ADGRL2: variants seen among roughly 807,000 people sequenced by gnomAD.
ADGRL2 encodes adhesion G protein-coupled receptor L2, also known as calcium-independent alpha-latrotoxin receptor 2.
Under a neutral mutation model 157.4 loss-of-function variants are expected in ADGRL2, and 44 were observed. The observed-to-expected ratio is 0.28, with a 90% CI of 0.22 to 0.36. The LOEUF is 0.36. Among genes scored for constraint, ADGRL2 ranks in the 10% least tolerant of loss-of-function variants. The pLI, the probability that ADGRL2 is intolerant of heterozygous loss-of-function variation, is 1.00. For missense variants in ADGRL2, 1,510 were observed against 1,768.9 expected (o/e 0.85, Z 2.63); for synonymous variants, 585 against 624.7 (o/e 0.94, Z 0.95).
chr1:81,900,515 A>G (rs2094466663), intron 2 of ADGRL2, among the ~76,000 whole-genome samples: 1 of 136,532 alleles, frequency 7.3e-6, no homozygotes, highest in African/African-American at 2.8e-5. Flanking sequence ...AGTGTTGTCA[A>G]TGAAAGTAAA....
intron 1 of ADGRL2, among the ~76,000 whole-genome samples, chr1:81,738,991 G>C (rs1044620446): frequency 2.0e-5 from 3 of 152,182 alleles, no homozygotes; most frequent in Admixed American, 6.6e-5. Context: ...CAGTGGCCTA[G>C]TGCCCTCCTG....
intron 1 of ADGRL2, among the ~76,000 whole-genome samples, chr1:81,414,842 C>CT (rs1330571440): frequency 4.6e-5 from 7 of 152,116 alleles, no homozygotes; most frequent in Non-Finnish European, 1.5e-5. Flanking sequence ...GTATACAAGA[C>CT]TTTTTATAAT....
intron 1 of ADGRL2, among the ~76,000 whole-genome samples, chr1:81,760,311 C>CT (rs973276970): frequency 6.6e-6 from 1 of 151,968 alleles, no homozygotes; most frequent in Non-Finnish European, 1.5e-5. Flanking sequence ...TGAATGTTGC[C>CT]ATAGCAATTG....
intron 1 of ADGRL2, among the ~76,000 whole-genome samples, chr1:81,430,117 T>A (rs991641491): frequency 4.4e-4 from 67 of 152,172 alleles, no homozygotes; most frequent in Admixed American, 9.8e-4. Context: ...GGTTTCGAAC[T>A]CCCGACCTCA....
intron 1 of ADGRL2, among the ~76,000 whole-genome samples, chr1:81,427,895 TTTC>T (rs1207247749): frequency 1.3e-5 from 2 of 152,196 alleles, no homozygotes; most frequent in Non-Finnish European, 1.5e-5. Flanking sequence ...GTGGTAGCTT[TTTC>T]TTCTTCTTTT....
At chr1:81,843,132 A>G (rs535387530) in intron 2 of ADGRL2, among the ~76,000 whole-genome samples, 32 of 152,194 alleles carry the variant, frequency 2.1e-4, no homozygotes, top group African/African-American at 7.7e-4. Context: ...TTTTTTAAAA[A>G]TTACTATTAT....
chr1:81,920,348 A>G (rs997573604), intron 3 of ADGRL2, among the ~76,000 whole-genome samples: 8 of 152,106 alleles, frequency 5.3e-5, no homozygotes, highest in African/African-American at 1.9e-4. Flanking sequence ...CAACTCATAA[A>G]ACTCTTTACC....
At chr1:81,937,107 G>A (rs1031346679) in intron 4 of ADGRL2, among the ~76,000 whole-genome samples, 1 of 151,844 alleles carries the variant, frequency 6.6e-6, no homozygotes, top group Non-Finnish European at 1.5e-5. Flanking sequence ...TATTCAATAC[G>A]GCTGATAGAA....
chr1:81,691,993 T>C (rs1296691026), intron 3 of ADGRL2, among the ~76,000 whole-genome samples: 1 of 151,186 alleles, frequency 6.6e-6, no homozygotes, highest in African/African-American at 2.4e-5. Context: ...ATATATGATA[T>C]ATACACATAC....
At chr1:81,475,718 A>G (rs997593598) in intron 2 of ADGRL2, among the ~76,000 whole-genome samples, 5 of 152,168 alleles carry the variant, frequency 3.3e-5, no homozygotes, top group African/African-American at 1.2e-4. Context: ...GAAAAACTGT[A>G]AGTGATAAAG....
At chr1:81,928,648 T>A (rs2095163191) in intron 3 of ADGRL2, among the ~76,000 whole-genome samples, 1 of 152,148 alleles carries the variant, frequency 6.6e-6, no homozygotes, top group Non-Finnish European at 1.5e-5. Context: ...CAAGAATGCA[T>A]GTAATTCCTA....
At chr1:81,610,463 A>G (rs1439502510) in intron 3 of ADGRL2, among the ~76,000 whole-genome samples, 1 of 152,162 alleles carries the variant, frequency 6.6e-6, no homozygotes, top group Non-Finnish European at 1.5e-5. Context: ...AGACACCATC[A>G]GAAGGAGGGC....
intron 3 of ADGRL2, among the ~76,000 whole-genome samples, chr1:81,638,528 G>T (rs2082156628): frequency 6.6e-6 from 1 of 152,134 alleles, no homozygotes; most frequent in Non-Finnish European, 1.5e-5. Flanking sequence ...TAAAAGCAAT[G>T]AGAGGGAGAA....
chr1:81,990,284 A>G, intron 23 of ADGRL2, 107 bp from the exon 24 acceptor site: 1 of 1,508,944 alleles, frequency 6.6e-7, no homozygotes, highest in African/African-American at 1.4e-5. Context: ...TTAGCTTTCA[A>G]ATACAACTTT....
At chr1:81,667,856 AT>A (rs1251459483) in intron 3 of ADGRL2, among the ~76,000 whole-genome samples, 1 of 152,162 alleles carries the variant, frequency 6.6e-6, no homozygotes, top group Non-Finnish European at 1.5e-5. Flanking sequence ...AAGTAATAAA[AT>A]TTACATCTAC....
At chr1:81,664,459 C>T (rs1409275263) in intron 3 of ADGRL2, among the ~76,000 whole-genome samples, 3 of 152,118 alleles carry the variant, frequency 2.0e-5, no homozygotes, top group African/African-American at 7.2e-5. Flanking sequence ...CCTTCTGAAA[C>T]AATCAGTGAC....
At chr1:81,977,770 T>C (rs1486973939) in intron 17 of ADGRL2, among the ~76,000 whole-genome samples, 2 of 151,688 alleles carry the variant, frequency 1.3e-5, no homozygotes, top group African/African-American at 4.8e-5. Flanking sequence ...CACCAAATTA[T>C]GGTCCTGTAC....
At chr1:81,342,350 A>G (rs1662134772) in intron 1 of ADGRL2, among the ~76,000 whole-genome samples, 1 of 152,230 alleles carries the variant, frequency 6.6e-6, no homozygotes, top group South Asian at 2.1e-4. Flanking sequence ...AAATCAAATT[A>G]AATCTCCATT....
chr1:81,858,775 ACAC>A (rs1160237188), intron 2 of ADGRL2, among the ~76,000 whole-genome samples: 12 of 152,170 alleles, frequency 7.9e-5, no homozygotes, highest in African/African-American at 2.7e-4. Context: ...AACATAAAAG[ACAC>A]CAAAATGTAG....
Sources: allele counts gnomAD v4.1 joint callset (sites outside exome capture counted in the v4.1 genomes callset), GRCh38; gene constraint gnomAD v4.1.1; transcripts MANE v1.5; gene names NCBI Gene and HGNC (gene_info 2026-07-23, HGNC 2026-07-21).